The following RBFOX1 variants were observed in gnomAD, a reference collection of about 807,000 sequenced individuals.
RBFOX1 encodes RNA binding protein fox-1 homolog 1.
RBFOX1 carries 8 observed loss-of-function variants against 57.7 expected under a neutral mutation model. That is an observed-to-expected ratio of 0.14 (90% CI 0.08 to 0.25). The LOEUF is 0.25. RBFOX1 is among the 10% of genes least tolerant of loss of function. The pLI is 1.00. For synonymous variants in RBFOX1, 326 were observed against 222.4 expected (o/e 1.47, Z -4.15); for missense variants, 611 against 548.5 (o/e 1.11, Z -1.14).
In RBFOX1 at chr16:7,362,080, TGTTA is replaced by T. The variant is rs371463510; in HGVS notation, c.28-156063_28-156060del. On this transcript the variant is annotated intron_variant, in intron 4 of 15. Transcript: ENST00000550418. ...GTATATGTTAGTACGTGTTTTTTGG[TGTTA>T]GTTTGCATATGTGTGTTAGTGTGTG... is the stretch of plus-strand genomic sequence containing the variant. Among the ~76,000 whole-genome samples, 658 of 151,342 alleles carry T rather than the reference TGTTA, an allele frequency of 4.3e-3. 7 individuals carry two copies. The highest frequency in any genetic ancestry group is 0.015 in the African/African-American group (608 of 41,328).
intron 4 of RBFOX1, among the ~76,000 whole-genome samples, chr16:7,205,593 A>C (rs2089791563): frequency 6.6e-6 from 1 of 152,140 alleles, no homozygotes; most frequent in Non-Finnish European, 1.5e-5. Flanking sequence ...GTTCCTATCC[A>C]CCCTGTTTTC....
At chr16:7,502,756 G>A (rs1018240590) in intron 4 of RBFOX1, among the ~76,000 whole-genome samples, 3 of 152,186 alleles carry the variant, frequency 2.0e-5, no homozygotes, top group African/African-American at 7.2e-5. Flanking sequence ...GGGAGTACTG[G>A]CTCATGCCTG....
intron 3 of RBFOX1, among the ~76,000 whole-genome samples, chr16:5,783,550 G>A (rs970774586): frequency 4.6e-5 from 7 of 152,194 alleles, no homozygotes; most frequent in South Asian, 4.1e-4. Context: ...TGTTTTCATC[G>A]TGGTAAATTC....
chr16:6,728,020 A>G (rs2067648981), intron 3 of RBFOX1, among the ~76,000 whole-genome samples: 2 of 152,220 alleles, frequency 1.3e-5, no homozygotes, highest in South Asian at 2.1e-4. Context: ...TAGTATTTCC[A>G]TCCTCACAGG....
intron 1 of RBFOX1, among the ~76,000 whole-genome samples, chr16:6,099,321 A>G (rs1483799162): frequency 4.6e-5 from 7 of 152,288 alleles, no homozygotes; most frequent in East Asian, 3.9e-4. Flanking sequence ...GACGTCAGTA[A>G]AGGGTCTATG....
At chr16:7,062,889 C>G (rs576907594) in intron 4 of RBFOX1, among the ~76,000 whole-genome samples, 25 of 110,344 alleles carry the variant, frequency 2.3e-4, no homozygotes, top group South Asian at 1.3e-3. Context: ...TTCAAATGAT[C>G]GCCATTTTTT....
At chr16:7,510,554 T>A (rs1182466974) in intron 4 of RBFOX1, among the ~76,000 whole-genome samples, 2 of 151,976 alleles carry the variant, frequency 1.3e-5, no homozygotes, top group Non-Finnish European at 2.9e-5. Context: ...GCTTGATGTG[T>A]GGAACTGAGC....
At chr16:5,709,847 T>TA (rs59803341) in intron 3 of RBFOX1, among the ~76,000 whole-genome samples, 224 of 8,572 alleles carry the variant, frequency 0.026, 5 homozygotes, top group African/African-American at 0.071. Context: ...ATATATATTT[T>TA]TTTTTTTTTT....
chr16:7,127,730 C>T (rs77990559), intron 4 of RBFOX1, among the ~76,000 whole-genome samples: 5 of 152,150 alleles, frequency 3.3e-5, no homozygotes, highest in African/African-American at 7.2e-5. Flanking sequence ...TGCTTCAAAA[C>T]GAGCTTTTAT....
At chr16:7,166,586 A>G (rs143652362) in intron 4 of RBFOX1, among the ~76,000 whole-genome samples, 130 of 152,248 alleles carry the variant, frequency 8.5e-4, no homozygotes, top group African/African-American at 2.8e-3. Context: ...GTCATCGGTT[A>G]TGGGCTGTGT....
At chr16:5,665,838 A>G (rs2049825753) in intron 3 of RBFOX1, among the ~76,000 whole-genome samples, 1 of 152,216 alleles carries the variant, frequency 6.6e-6, no homozygotes, top group East Asian at 1.9e-4. Context: ...GAGCAGAGCC[A>G]TGCTGTGCCC....
At chr16:5,611,722 C>CCATCCATCCATCCATCCATT (rs2047804591) in intron 3 of RBFOX1, among the ~76,000 whole-genome samples, 1 of 141,452 alleles carries the variant, frequency 7.1e-6, no homozygotes, top group Non-Finnish European at 1.5e-5. Context: ...ATCCATCTAT[C>CCATCCATCCATCCATCCATT]CATCCATCCA....
intron 4 of RBFOX1, among the ~76,000 whole-genome samples, chr16:7,391,349 C>G (rs932058630): frequency 1.3e-5 from 2 of 152,242 alleles, no homozygotes; most frequent in East Asian, 3.9e-4. Flanking sequence ...AAAGAAGTTT[C>G]GCGTCCCAAG....
At chr16:7,245,823 T>A (rs912313128) in intron 4 of RBFOX1, among the ~76,000 whole-genome samples, 1 of 152,208 alleles carries the variant, frequency 6.6e-6, no homozygotes, top group Non-Finnish European at 1.5e-5. Context: ...CATACACTCA[T>A]GCAACTCTTC....
chr16:7,491,041 G>C (rs1599819537), intron 4 of RBFOX1, among the ~76,000 whole-genome samples: 1 of 152,102 alleles, frequency 6.6e-6, no homozygotes, highest in Non-Finnish European at 1.5e-5. Context: ...ATCAACTCCA[G>C]ATTCTAAAGA....
chr16:5,654,469 G>A (rs1352617227), intron 3 of RBFOX1, among the ~76,000 whole-genome samples: 3 of 152,124 alleles, frequency 2.0e-5, no homozygotes, highest in East Asian at 1.9e-4. Context: ...GGGAAGGAAC[G>A]TTCTCACCTG....
intron 1 of RBFOX1, among the ~76,000 whole-genome samples, chr16:5,414,781 C>A (rs79073010): frequency 0.073 from 11,068 of 152,206 alleles, 540 homozygotes; most frequent in East Asian, 0.18. Flanking sequence ...TGACAACTGG[C>A]TGGACATAAC....
chr16:6,236,122 A>C (rs571192107), intron 1 of RBFOX1, among the ~76,000 whole-genome samples: 10 of 152,244 alleles, frequency 6.6e-5, no homozygotes, highest in Non-Finnish European at 1.3e-4. Flanking sequence ...CATTGCTTAA[A>C]AGCAAAACAT....
intron 1 of RBFOX1, among the ~76,000 whole-genome samples, chr16:5,428,557 C>A (rs753979759): frequency 7.9e-5 from 12 of 152,054 alleles, no homozygotes; most frequent in Non-Finnish European, 1.3e-4. Flanking sequence ...TCCTGAGCAC[C>A]ACGGAGACAA....
Sources: allele counts gnomAD v4.1 joint callset (sites outside exome capture counted in the v4.1 genomes callset), GRCh38; gene constraint gnomAD v4.1.1; transcripts MANE v1.5; gene names NCBI Gene and HGNC (gene_info 2026-07-23, HGNC 2026-07-21).